The following ASB2 variants were observed in gnomAD, a reference collection of about 807,000 sequenced individuals.
The protein encoded by ASB2 is ankyrin repeat and SOCS box protein 2.
A neutral mutation model predicts 62.4 loss-of-function variants in ASB2; 58 were observed. The observed-to-expected ratio is 0.93, with a 90% confidence interval of 0.75 to 1.16. The LOEUF is 1.16. Ranked by LOEUF, ASB2 falls within the 50% of genes most tolerant of loss-of-function variation. The pLI is 0.00. For synonymous variants in ASB2, 386 were observed against 385.3 expected, an observed-to-expected ratio of 1.00 and a Z score of -0.02; for missense variants, 928 against 887.9, an observed-to-expected ratio of 1.05 and a Z score of -0.57.
chr14:93,966,355 C>A (rs563594029), intron 1 of ASB2, among the ~76,000 whole-genome samples: 3 of 152,172 alleles, frequency 2.0e-5, no homozygotes, highest in Non-Finnish European at 2.9e-5. Context: ...GGGACTGTAG[C>A]CTAGTTTTAT....
rs561823420 is a variant in ASB2 at position 93,962,858 on chromosome 14, G to A, written c.206+1476C>T. ...AAGAGGAACTTGTGGCCTGTCTTCC[G>A]CTGAACCGGCCAGAACAGGAACCAG... is the stretch of plus-strand genomic sequence containing the variant. On this transcript the variant is annotated intron_variant, in intron 2 of 9. Coordinates refer to ENST00000555019, the MANE Select transcript of ASB2 (RefSeq NM_001202429.2). Among the ~76,000 whole-genome samples, 25 of 152,312 alleles carry A rather than the reference G, an allele frequency of 1.6e-4. No individual in the cohort carries two copies. The South Asian group carries it at 4.6e-3, about 28-fold the overall frequency.
At chr14:93,969,885 G>A (rs565567259) in intron 1 of ASB2, 36 of 152,302 alleles carry the variant, frequency 2.4e-4, no homozygotes, top group African/African-American at 7.9e-4. Context: ...GTTAATCCAC[G>A]TAAATTACTC....
chr14:93,946,588 C>G (rs1244833078), intron 7 of ASB2, among the ~76,000 whole-genome samples: 2 of 152,244 alleles, frequency 1.3e-5, no homozygotes, highest in African/African-American at 4.8e-5. Context: ...CAGGCACGAG[C>G]TGGCTCTAGC....
At chr14:93,954,292 G>A in intron 4 of ASB2, 25 bp downstream of exon 4, 2 of 1,602,358 alleles carry the variant, frequency 1.2e-6, no homozygotes, top group Non-Finnish European at 8.5e-7. Flanking sequence ...CCCACCTCTT[G>A]CCACCGTCAG....
intron 7 of ASB2, among the ~76,000 whole-genome samples, chr14:93,940,894 A>G (rs926825193): frequency 6.6e-6 from 1 of 152,216 alleles, no homozygotes; most frequent in Non-Finnish European, 1.5e-5. Context: ...TAAGTGATGG[A>G]GCCAGGATTT....
chr14:93,966,726 G>A (rs540244500), intron 1 of ASB2, among the ~76,000 whole-genome samples: 2 of 152,316 alleles, frequency 1.3e-5, no homozygotes, highest in East Asian at 1.9e-4. Context: ...TCATCTTAAC[G>A]AATGTCTCTC....
chr14:93,959,901 G>A (rs554441769), intron 2 of ASB2, among the ~76,000 whole-genome samples: 1 of 151,902 alleles, frequency 6.6e-6, no homozygotes, highest in East Asian at 1.9e-4. Context: ...TAATAGAGGA[G>A]GGAGCTAACA....
At chr14:93,971,722 G>A (rs1889760566) in intron 1 of ASB2, among the ~76,000 whole-genome samples, 1 of 151,996 alleles carries the variant, frequency 6.6e-6, no homozygotes. Flanking sequence ...AAATCTATAA[G>A]CGTATTATAG....
At chr14:93,957,080 C>T in intron 2 of ASB2, 2 of 1,443,876 alleles carry the variant, frequency 1.4e-6, no homozygotes, top group Middle Eastern at 2.0e-4. Flanking sequence ...TTGGAGGAAG[C>T]CCTGGGAGAT....
intron 7 of ASB2, 23 bp downstream of exon 7, chr14:93,947,326 G>T (rs1263366372): frequency 6.2e-7 from 1 of 1,612,568 alleles, no homozygotes; most frequent in African/African-American, 1.3e-5. Context: ...AGCTGCCTGG[G>T]TGCTGGCGGA....
chr14:93,952,748 G>A (rs895435791), intron 5 of ASB2, among the ~76,000 whole-genome samples: 2 of 152,186 alleles, frequency 1.3e-5, no homozygotes, highest in African/African-American at 4.8e-5. Context: ...ATGGACATGA[G>A]GGGTCCATAA....
Position 93,964,481 on chromosome 14 carries a change from C to G in ASB2, c.59G>C (p.Ser20Thr). 6.5e-7 allele frequency: 1 copy of G among 1,536,132 alleles called. No individual in the cohort carries two copies. Among genetic ancestry groups the G allele is most frequent in the Non-Finnish European group, 8.7e-7 (1 of 1,146,900 alleles). ...SQCTIGQEEYSLYSSLSEDEL... is the reference protein window; with the variant it reads ...SQCTIGQEEYTLYSSLSEDEL... ...ATCCTCGCTCAGGCTGCTGTACAGG[C>G]TGTACTCCTCCTGCCCAATGGTACA... Residue 20 changes from serine to threonine, a missense_variant, in exon 2 of 10, where the codon AGC becomes ACC. By Grantham distance (58) the Ser-to-Thr change is moderately conservative (BLOSUM62 1). Coordinates refer to ENST00000555019, the MANE Select transcript of ASB2 (RefSeq NM_001202429.2).
intron 9 of ASB2, 57 bp from the exon 10 acceptor site, chr14:93,934,849 T>G: frequency 6.7e-7 from 1 of 1,481,714 alleles, no homozygotes; most frequent in Non-Finnish European, 9.4e-7. Flanking sequence ...AGCAAAGGGA[T>G]TGCATCTGTG....
intron 1 of ASB2, 56 bp from the exon 2 acceptor site, chr14:93,964,668 T>G: frequency 1.3e-6 from 1 of 794,970 alleles, no homozygotes; most frequent in Non-Finnish European, 2.1e-6. Flanking sequence ...ATAGCTATAT[T>G]TACCCTCAGG....
At position 93,947,642 on chromosome 14, in the gene ASB2, C is replaced by T. The variant is rs149337803; in HGVS notation, c.881-122G>A. On this transcript the variant is annotated intron_variant, in intron 6 of 9. Transcript: ENST00000555019. The stretch of plus-strand genomic sequence containing the variant: ...CGGTAATGCACGGGACCTTTAACAA[C>T]GACCCTTAGGAAGGAGGAGTCTACC... 68 of 948,054 alleles carry T rather than the reference C, an allele frequency of 7.2e-5. No individual in the cohort carries two copies. In the Middle Eastern group the frequency reaches 9.8e-4, roughly 14 times the overall value. 58.7% of individuals were successfully genotyped at this position (948,054 alleles called of 1,614,324 possible).
Position 93,956,866 on chromosome 14 carries a change from T to C in ASB2, c.211A>G (p.Thr71Ala), listed in dbSNP as rs1305457701. The C allele has an allele frequency of 6.2e-7, 1 of 1,614,060 alleles. No homozygotes were observed. Among genetic ancestry groups the C allele is most frequent in the African/African-American group, 1.3e-5 (1 of 74,988 alleles). Reference protein sequence around the residue: ...PAHFYPWTRSTAPPESSPARA... With the variant: ...PAHFYPWTRSAAPPESSPARA... Reference sequence around the variant, plus strand: ...GCCGGCGAACTCTCAGGAGGTGCAGTGGACCTGGAGGGTGCAGAGCAGGAG... The same window carrying C: ...GCCGGCGAACTCTCAGGAGGTGCAGCGGACCTGGAGGGTGCAGAGCAGGAG... The change falls in exon 3 of 10, where the codon ACT (threonine) becomes GCT (alanine). Residue 71 changes from threonine to alanine, a missense_variant. Transcript: ENST00000555019.
intron 2 of ASB2, among the ~76,000 whole-genome samples, chr14:93,958,172 C>G (rs747180646): frequency 8.5e-5 from 13 of 152,242 alleles, no homozygotes; most frequent in Non-Finnish European, 1.9e-4. Context: ...GTCACGCCCT[C>G]CCACCTGCCT....
intron 2 of ASB2, chr14:93,957,342 G>A (rs1046203292): frequency 2.5e-5 from 26 of 1,035,978 alleles, no homozygotes; most frequent in Non-Finnish European, 3.5e-6. Context: ...AAGCCAAGCT[G>A]TACCTGTGCC....
At chr14:93,943,303 T>C (rs1888602155) in intron 7 of ASB2, among the ~76,000 whole-genome samples, 1 of 152,254 alleles carries the variant, frequency 6.6e-6, no homozygotes. Context: ...AGAGGCATTC[T>C]GGATCACCAG....
Sources: allele counts gnomAD v4.1 joint callset (sites outside exome capture counted in the v4.1 genomes callset), GRCh38; gene constraint gnomAD v4.1.1; transcripts MANE v1.5; gene names NCBI Gene and HGNC (gene_info 2026-07-23, HGNC 2026-07-21).